DLG1: variants seen among roughly 807,000 people sequenced by gnomAD.
The protein encoded by DLG1 is discs large MAGUK scaffold protein 1.
In DLG1, 42 loss-of-function variants were observed where a neutral mutation model predicts 123.4. That is an observed-to-expected ratio of 0.34 (90% confidence interval 0.27 to 0.44). The LOEUF is 0.44. DLG1 is among the 20% of genes least tolerant of loss of function. DLG1 has a pLI of 1.00. For missense variants in DLG1, 942 were observed against 1,082.6 expected (o/e 0.87, Z 1.82); for synonymous variants, 317 against 356.2 (o/e 0.89, Z 1.24).
At chr3:197,138,431 TA>T in intron 8 of DLG1, 40 bp from the exon 9 acceptor site, 2 of 1,083,088 alleles carry the variant, frequency 1.8e-6, no homozygotes, top group South Asian at 7.4e-5. Flanking sequence ...AAATTAAATA[TA>T]ATTTAAATAT....
intron 14 of DLG1, among the ~76,000 whole-genome samples, chr3:197,091,858 C>A (rs749948807): frequency 2.6e-5 from 4 of 152,032 alleles, no homozygotes; most frequent in Non-Finnish European, 4.4e-5. Flanking sequence ...CAAATAACTT[C>A]TCTGGGATTT....
intron 12 of DLG1, among the ~76,000 whole-genome samples, chr3:197,117,206 A>G (rs939647398): frequency 6.6e-6 from 1 of 152,206 alleles, no homozygotes; most frequent in Non-Finnish European, 1.5e-5. Context: ...ATGAGGATGT[A>G]AAGAAATTGC....
chr3:197,174,116 G>C (rs982037233), intron 5 of DLG1, among the ~76,000 whole-genome samples: 3 of 152,126 alleles, frequency 2.0e-5, no homozygotes, highest in African/African-American at 7.2e-5. Flanking sequence ...TACAAAAACA[G>C]GTGGCAGGCT....
chr3:197,282,281 G>C (rs1334163173), intron 4 of DLG1, among the ~76,000 whole-genome samples: 4 of 152,148 alleles, frequency 2.6e-5, no homozygotes, highest in African/African-American at 2.4e-5. Context: ...GATTCCTTGA[G>C]GTAAATGGGT....
intron 11 of DLG1, among the ~76,000 whole-genome samples, chr3:197,125,698 G>A (rs1046927303): frequency 2.6e-5 from 4 of 152,168 alleles, no homozygotes; most frequent in African/African-American, 4.8e-5. Context: ...GAGTTGAAGT[G>A]GAGGGCAGGA....
rs1392752718 is a variant in DLG1 at position 197,043,467 on chromosome 3, T to A, written c.*1156A>T. 1 of 125,108 alleles carries A rather than the reference T, an allele frequency of 8.0e-6. No homozygotes were observed. Among genetic ancestry groups the A allele is most frequent in the Non-Finnish European group, 1.7e-5 (1 of 58,950 alleles). The allele number at this position is 125,108 out of a possible 1,614,324, so 7.7% of individuals were successfully genotyped here. A position where few individuals can be genotyped will look rare whatever the true frequency, so the allele number is the denominator to read the frequency against. ...CCTCCTCATGACCACCATGCCCCCATTTTCAGTTCACATGATTAAGGAAGA... is the reference window on the plus strand; with the variant it reads ...CCTCCTCATGACCACCATGCCCCCAATTTCAGTTCACATGATTAAGGAAGA... On this transcript the variant is annotated 3_prime_UTR_variant, in exon 25 of 25. Coordinates refer to ENST00000667157, the MANE Select transcript of DLG1 (RefSeq NM_001366207.1).
chr3:197,094,639 T>A (rs1759618623), intron 14 of DLG1, among the ~76,000 whole-genome samples: 2 of 152,180 alleles, frequency 1.3e-5, no homozygotes, highest in African/African-American at 4.8e-5. Context: ...CTTATAATCT[T>A]CTTCATTAAT....
intron 4 of DLG1, among the ~76,000 whole-genome samples, chr3:197,212,989 G>A (rs1378956393): frequency 1.3e-5 from 2 of 152,164 alleles, no homozygotes; most frequent in African/African-American, 4.8e-5. Context: ...AATGTGGAGC[G>A]ACTGGGACTC....
chr3:197,130,391 A>T, intron 11 of DLG1, 136 bp downstream of exon 11: 1 of 743,168 alleles, frequency 1.3e-6, no homozygotes, highest in Non-Finnish European at 1.9e-6. Flanking sequence ...AAAAATGAGT[A>T]GATTAACATG....
At chr3:197,099,763 C>T (rs1762469237) in intron 14 of DLG1, among the ~76,000 whole-genome samples, 1 of 152,104 alleles carries the variant, frequency 6.6e-6, no homozygotes, top group Non-Finnish European at 1.5e-5. Flanking sequence ...TAATAAAATA[C>T]ATTAAACACA....
chr3:197,081,907 C>T (rs577263847), intron 16 of DLG1, among the ~76,000 whole-genome samples: 2 of 152,248 alleles, frequency 1.3e-5, no homozygotes, highest in Non-Finnish European at 2.9e-5. Flanking sequence ...TGCAAAATGT[C>T]ATGTAAATTA....
chr3:197,191,430 G>C (rs907008948), intron 5 of DLG1, among the ~76,000 whole-genome samples: 2 of 152,126 alleles, frequency 1.3e-5, no homozygotes, highest in African/African-American at 4.8e-5. Context: ...ATGCATGCTG[G>C]CTCACTGTTT....
At chr3:197,225,551 C>G (rs138332167) in intron 4 of DLG1, among the ~76,000 whole-genome samples, 1 of 152,188 alleles carries the variant, frequency 6.6e-6, no homozygotes, top group African/African-American at 2.4e-5. Context: ...TCCAGTCCTG[C>G]GTATCAATGG....
chr3:197,200,200 A>T (rs1724887440), intron 4 of DLG1, among the ~76,000 whole-genome samples: 1 of 152,212 alleles, frequency 6.6e-6, no homozygotes, highest in Non-Finnish European at 1.5e-5. Flanking sequence ...AATTAAGGCC[A>T]AAAACTAAGT....
In DLG1 at chr3:197,067,910, C is replaced by A. The variant is rs185159080; in HGVS notation, c.2048-1156G>T. 1.3e-3 allele frequency among the ~76,000 whole-genome samples: 191 copies of A among 152,104 alleles called. 2 individuals carry two copies. The highest frequency in any genetic ancestry group is 9.9e-3 in the Admixed American group (152 of 15,284). On this transcript the variant is annotated intron_variant, in intron 19 of 24. Coordinates refer to ENST00000667157, the MANE Select transcript of DLG1 (RefSeq NM_001366207.1). ...ACACACATCCCCCCTCACCCCCACG[C>A]CTAAAATTAGAAAAGACTGTGTTAA... is the stretch of plus-strand genomic sequence containing the variant.
intron 3 of DLG1, 23 bp from the exon 4 acceptor site, chr3:197,282,868 T>A (rs756192827): frequency 1.4e-6 from 2 of 1,387,846 alleles, no homozygotes; most frequent in Non-Finnish European, 2.0e-6. Flanking sequence ...AAATAAAAAT[T>A]CATAAGTATT....
chr3:197,278,282 C>CAA (rs71164203), intron 4 of DLG1, among the ~76,000 whole-genome samples: 41 of 37,534 alleles, frequency 1.1e-3, no homozygotes, highest in South Asian at 8.7e-3. Context: ...GACTCTGTCC[C>CAA]AAAAAAAAAA....
intron 5 of DLG1, 115 bp downstream of exon 5, chr3:197,194,310 G>C: frequency 1.9e-6 from 1 of 525,924 alleles, no homozygotes; most frequent in Non-Finnish European, 3.0e-6. Context: ...AAACTAAAAT[G>C]GGGGGGTGGG....
At chr3:197,260,996 T>C (rs1759171946) in intron 4 of DLG1, among the ~76,000 whole-genome samples, 2 of 152,266 alleles carry the variant, frequency 1.3e-5, no homozygotes, top group East Asian at 3.9e-4. Flanking sequence ...AATAACATTT[T>C]ACCAACAAAG....
Sources: gnomAD v4.1 joint callset for allele counts (sites outside exome capture counted in the v4.1 genomes callset) on GRCh38, gnomAD v4.1.1 for gene constraint, MANE v1.5 for transcripts, NCBI Gene and HGNC (gene_info 2026-07-23, HGNC 2026-07-21) for gene names.